The following FDFT1 variants were observed in gnomAD, a reference collection of about 807,000 sequenced individuals.
FDFT1 encodes farnesyl-diphosphate farnesyltransferase 1, also known as squalene synthase.
FDFT1 carries 68 observed loss-of-function variants against 46.8 expected under a neutral mutation model. That is an observed-to-expected ratio of 1.45 (90% CI 1.19 to 1.78). FDFT1 has a LOEUF of 1.78. FDFT1 is among the 40% of genes most tolerant of loss of function. FDFT1 has a pLI of 0.00. For missense variants in FDFT1, 928 were observed against 524.4 expected (o/e 1.77, Z -7.52); for synonymous variants, 351 against 185.1 (o/e 1.90, Z -7.28).
At chr8:11,834,944 C>G (rs544909555) in intron 7 of FDFT1, among the ~76,000 whole-genome samples, 2 of 152,262 alleles carry the variant, frequency 1.3e-5, no homozygotes, top group South Asian at 4.1e-4. Flanking sequence ...GCCAATATGG[C>G]AAAACCCTGT....
intron 3 of FDFT1, among the ~76,000 whole-genome samples, chr8:11,818,228 G>A (rs1282465823): frequency 6.6e-6 from 1 of 152,182 alleles, no homozygotes; most frequent in African/African-American, 2.4e-5. Context: ...CTGAGAGAAA[G>A]TTTGTTGTAA....
At position 11,809,277 on chromosome 8, in the gene FDFT1, A is replaced by T. The variant is rs1203511139; in HGVS notation, c.197+386A>T. 3 of 1,103,250 alleles carry T rather than the reference A, an allele frequency of 2.7e-6. No homozygotes were observed. In the South Asian group the frequency reaches 9.1e-5, roughly 34 times the overall value. The allele number at this position is 1,103,250 out of a possible 1,614,324, so 68.3% of individuals were successfully genotyped here. A position where few individuals can be genotyped will look rare whatever the true frequency, so the allele number is the denominator to read the frequency against. ...CTGTGCACATTACACCCATGAACTT[A>T]GACCAGTTGCCTTTATGTATGATCG... On this transcript the variant is annotated intron_variant, in intron 2 of 7. Coordinates refer to ENST00000220584, the MANE Select transcript of FDFT1 (RefSeq NM_004462.5).
At chr8:11,817,629 C>A (rs189250447) in intron 3 of FDFT1, among the ~76,000 whole-genome samples, 1 of 152,190 alleles carries the variant, frequency 6.6e-6, no homozygotes, top group Non-Finnish European at 1.5e-5. Context: ...TCCATTTCTT[C>A]TGGATTTTCT....
At chr8:11,833,661 A>G (rs1811166136) in intron 7 of FDFT1, among the ~76,000 whole-genome samples, 1 of 152,228 alleles carries the variant, frequency 6.6e-6, no homozygotes, top group South Asian at 2.1e-4. Context: ...TTGTGAATAA[A>G]TGTTATCAGA....
intron 1 of FDFT1, among the ~76,000 whole-genome samples, chr8:11,806,075 C>T (rs75548537): frequency 3.9e-5 from 6 of 152,140 alleles, no homozygotes; most frequent in Non-Finnish European, 1.5e-5. Flanking sequence ...AGGAAGGCTC[C>T]GTGGAGGGCT....
In FDFT1 at chr8:11,803,136, G is replaced by C. The variant is rs373509854; in HGVS notation, c.99+205G>C. 1.1e-4 allele frequency: 161 copies of C among 1,425,232 alleles called. No homozygotes were observed. The African/African-American group carries it at 2.0e-3, about 18-fold the overall frequency. 88.3% of individuals were successfully genotyped at this position (1,425,232 alleles called of 1,614,324 possible). A position where few individuals can be genotyped will look rare whatever the true frequency, so the allele number is the denominator to read the frequency against. On this transcript the variant is annotated intron_variant, in intron 1 of 7. Coordinates refer to ENST00000220584, the MANE Select transcript of FDFT1 (RefSeq NM_004462.5). ...TCCTGGCTGACCTGTCCCTGCCCCC[G>C]CAAGCCGCCCTGGGCATGAGCGACT...
intron 3 of FDFT1, among the ~76,000 whole-genome samples, chr8:11,816,780 G>C (rs56686795): frequency 0.013 from 2,021 of 152,278 alleles, 37 homozygotes; most frequent in African/African-American, 0.046. Flanking sequence ...CTGAGACGAT[G>C]GGGTTTTCTA....
intron 1 of FDFT1, chr8:11,803,813 A>G (rs1806455646): frequency 6.3e-6 from 1 of 159,302 alleles, no homozygotes; most frequent in African/African-American, 2.4e-5. Context: ...TAGAAAATAA[A>G]TTTCTGGTTT....
intron 6 of FDFT1, among the ~76,000 whole-genome samples, chr8:11,831,188 C>G (rs1810728259): frequency 6.6e-6 from 1 of 152,150 alleles, no homozygotes; most frequent in African/African-American, 2.4e-5. Context: ...TTTTGAAATA[C>G]ATATTTCCGA....
At chr8:11,803,275 C>T (rs182351326) in intron 1 of FDFT1, 7 of 1,330,262 alleles carry the variant, frequency 5.3e-6, no homozygotes, top group African/African-American at 4.5e-5. Flanking sequence ...GTGGGTTACG[C>T]GGGAGAGGAC....
chr8:11,837,476 C>T (rs138857068), intron 7 of FDFT1, among the ~76,000 whole-genome samples: 287 of 152,290 alleles, frequency 1.9e-3, no homozygotes, highest in African/African-American at 6.5e-3. Flanking sequence ...AAGCAGTCTA[C>T]GTGCCTCAGC....
Position 11,838,336 on chromosome 8 carries a change from T to C in FDFT1, c.1033-52T>C. 11 of 1,410,062 alleles carry C rather than the reference T, an allele frequency of 7.8e-6. No homozygotes were observed. The Admixed American group carries it at 8.4e-5, about 11-fold the overall frequency. 87.3% of individuals were successfully genotyped at this position (1,410,062 alleles called of 1,614,324 possible). A position where few individuals can be genotyped will look rare whatever the true frequency, so the allele number is the denominator to read the frequency against. On this transcript the variant is annotated intron_variant, in intron 7 of 7. Coordinates refer to ENST00000220584, the MANE Select transcript of FDFT1 (RefSeq NM_004462.5). ...AGTGGAGGGTTGTTGTAAGTAGCCA[T>C]GGAAAATGTAAAGCACATAGCACTT...
At chr8:11,820,992 A>G (rs7015195) in intron 3 of FDFT1, among the ~76,000 whole-genome samples, 73,604 of 152,062 alleles carry the variant, frequency 0.48, 19,590 homozygotes, top group East Asian at 0.77. Context: ...TCCTACTGGG[A>G]CATCTTGGAA....
intron 3 of FDFT1, among the ~76,000 whole-genome samples, chr8:11,814,462 T>A (rs74551562): frequency 0.014 from 2,152 of 151,974 alleles, 58 homozygotes; most frequent in African/African-American, 0.049. Context: ...TTCTAACTTT[T>A]CTGTAAACAC....
At chr8:11,820,461 A>T (rs935471795) in intron 3 of FDFT1, among the ~76,000 whole-genome samples, 1 of 146,668 alleles carries the variant, frequency 6.8e-6, no homozygotes, top group Admixed American at 6.9e-5. Flanking sequence ...CAGAGATGCA[A>T]TCTAGAGAGG....
rs371702120 is a variant in FDFT1 at position 11,821,710 on chromosome 8, A to G, written c.382-40A>G. On this transcript the variant is annotated intron_variant, in intron 3 of 7. Transcript: ENST00000220584. ...GTGATCTTTGGTGCCATGTCTGTACATATTTCATGATTTCTGTGTTTTTAC... is the reference window on the plus strand; with the variant it reads ...GTGATCTTTGGTGCCATGTCTGTACGTATTTCATGATTTCTGTGTTTTTAC... 8 of 1,608,148 alleles carry G rather than the reference A, an allele frequency of 5.0e-6. No homozygotes were observed. In the South Asian group the frequency reaches 6.6e-5, roughly 13 times the overall value.
chr8:11,804,440 C>G (rs562882876), intron 1 of FDFT1, among the ~76,000 whole-genome samples: 1 of 152,190 alleles, frequency 6.6e-6, no homozygotes, highest in East Asian at 1.9e-4. Context: ...TTGAGCTATT[C>G]TAGCTCTGAT....
chr8:11,830,317 T>C lies in FDFT1; in HGVS notation c.776T>C (p.Leu259Pro). The C allele has an allele frequency of 6.2e-7, 1 of 1,613,802 alleles. No homozygotes were observed. The highest frequency in any genetic ancestry group is 8.5e-7 in the Non-Finnish European group (1 of 1,179,690). Reference protein sequence around the residue: ...PENIDLAVQCLNELITNALHH... With the variant: ...PENIDLAVQCPNELITNALHH... ...AATATTGACTTGGCCGTGCAGTGCC[T>C]GAATGAACTTATAACCAATGCACTG... Residue 259 changes from leucine to proline, a missense_variant, in exon 6 of 8, where the codon CTG becomes CCG. By Grantham distance (98) the Leu-to-Pro change is moderately conservative. Coordinates refer to ENST00000220584, the MANE Select transcript of FDFT1 (RefSeq NM_004462.5).
At chr8:11,798,312 G>A (rs114856239), upstream of FDFT1, among the ~76,000 whole-genome samples, 3 of 152,114 alleles carry the variant, frequency 2.0e-5, no homozygotes, top group African/African-American at 7.2e-5. Flanking sequence ...CGCCTGCATT[G>A]GTCTTCCCAA....
Sources: gnomAD v4.1 joint callset for allele counts (sites outside exome capture counted in the v4.1 genomes callset) on GRCh38, gnomAD v4.1.1 for gene constraint, MANE v1.5 for transcripts, NCBI Gene and HGNC (gene_info 2026-07-23, HGNC 2026-07-21) for gene names.